Variants in GRIP1 observed in about 807,000 individuals in gnomAD.
GRIP1 encodes the protein glutamate receptor interacting protein 1.
A neutral mutation model predicts 129.9 loss-of-function variants in GRIP1; 45 were observed. That is an observed-to-expected ratio of 0.35 (90% CI 0.27 to 0.44). The LOEUF is 0.44. Ranked by LOEUF, GRIP1 falls within the 20% of genes least tolerant of loss-of-function variation. GRIP1 has a pLI of 1.00. For synonymous variants in GRIP1, 530 were observed against 520.8 expected (o/e 1.02, Z -0.24); for missense variants, 1,196 against 1,396.8 (o/e 0.86, Z 2.29).
At chr12:66,572,404 A>G (rs2062994518) in intron 2 of GRIP1, among the ~76,000 whole-genome samples, 1 of 152,140 alleles carries the variant, frequency 6.6e-6, no homozygotes, top group Non-Finnish European at 1.5e-5. Flanking sequence ...AGTAAAGGTA[A>G]AGTGTGTTTC....
intron 1 of GRIP1, among the ~76,000 whole-genome samples, chr12:66,910,152 CTT>C (rs1176160510): frequency 6.6e-6 from 1 of 152,150 alleles, no homozygotes; most frequent in Non-Finnish European, 1.5e-5. Context: ...GGAAGCAAGA[CTT>C]AGGCTCAGGA....
At chr12:66,979,298 G>T (rs1050672340) in intron 1 of GRIP1, among the ~76,000 whole-genome samples, 1 of 125,954 alleles carries the variant, frequency 7.9e-6, no homozygotes, top group African/African-American at 3.0e-5. Context: ...AGATAATTCT[G>T]AAATTACTTT....
At chr12:66,573,013 TCC>T (rs1484072053) in intron 2 of GRIP1, among the ~76,000 whole-genome samples, 1 of 152,136 alleles carries the variant, frequency 6.6e-6, no homozygotes. Context: ...TGGCAAAGCT[TCC>T]AGATGCATGT....
At chr12:67,014,987 GAAATA>G (rs1030059414) in intron 1 of GRIP1, among the ~76,000 whole-genome samples, 2 of 152,030 alleles carry the variant, frequency 1.3e-5, no homozygotes, top group African/African-American at 4.8e-5. Flanking sequence ...AATAAGTGAA[GAAATA>G]AATAAATGGA....
chr12:66,576,476 T>C (rs12581890), intron 2 of GRIP1, among the ~76,000 whole-genome samples: 44,688 of 152,106 alleles, frequency 0.29, 6,958 homozygotes, highest in African/African-American at 0.39. Context: ...GACTATTTCA[T>C]CAAGTTGGAA....
chr12:66,940,799 A>G (rs2041572065), intron 1 of GRIP1, among the ~76,000 whole-genome samples: 1 of 152,230 alleles, frequency 6.6e-6, no homozygotes, highest in Non-Finnish European at 1.5e-5. Flanking sequence ...AATTTCGCCC[A>G]CTAAATTCCA....
intron 1 of GRIP1, among the ~76,000 whole-genome samples, chr12:66,936,441 A>AG (rs1321829201): frequency 1.1e-4 from 16 of 152,028 alleles, no homozygotes; most frequent in Admixed American, 3.9e-4. Flanking sequence ...AAAAAAAAAA[A>AG]AAAAAAGGTG....
chr12:66,602,641 G>A (rs966721121), intron 1 of GRIP1, among the ~76,000 whole-genome samples: 1 of 152,068 alleles, frequency 6.6e-6, no homozygotes, highest in Non-Finnish European at 1.5e-5. Flanking sequence ...TGAGCTTGAT[G>A]GCAAGAAGCA....
At position 66,422,982 on chromosome 12, in the gene GRIP1, A is replaced by G. The variant is rs1309285042; in HGVS notation, c.1769-2193T>C. ...TCCTAGCCCCATGTTTTAATTTTCT[A>G]CTACCTAAGAATAAATCACAAACCA... On this transcript the variant is annotated intron_variant, in intron 14 of 24. Coordinates refer to ENST00000359742, the MANE Select transcript of GRIP1 (RefSeq NM_001366722.1). Among the ~76,000 whole-genome samples the G allele has an allele frequency of 3.9e-5, 6 of 152,172 alleles. No individual in the cohort carries two copies. The East Asian group carries it at 1.2e-3, about 29-fold the overall frequency.
At chr12:66,511,923 G>C (rs557594309) in intron 7 of GRIP1, among the ~76,000 whole-genome samples, 1 of 152,218 alleles carries the variant, frequency 6.6e-6, no homozygotes, top group East Asian at 1.9e-4. Flanking sequence ...CCCACATGTT[G>C]CTGGAGGGAC....
At chr12:66,502,647 CCTT>C (rs1203285981) in intron 7 of GRIP1, among the ~76,000 whole-genome samples, 1 of 152,102 alleles carries the variant, frequency 6.6e-6, no homozygotes, top group Non-Finnish European at 1.5e-5. Context: ...GGTACCCTCT[CCTT>C]CTCTCACTCT....
intron 1 of GRIP1, among the ~76,000 whole-genome samples, chr12:66,820,065 T>C (rs1427653281): frequency 6.6e-6 from 1 of 152,154 alleles, no homozygotes; most frequent in Admixed American, 6.5e-5. Flanking sequence ...CAGTGAATAC[T>C]GAAGAAATAT....
At chr12:66,829,560 GA>G (rs1274936219) in intron 1 of GRIP1, among the ~76,000 whole-genome samples, 1 of 152,040 alleles carries the variant, frequency 6.6e-6, no homozygotes, top group Admixed American at 6.6e-5. Flanking sequence ...TCAAAAACAG[GA>G]AAAGACACTG....
chr12:66,465,921 G>A (rs2138359399), intron 7 of GRIP1, among the ~76,000 whole-genome samples: 1 of 152,272 alleles, frequency 6.6e-6, no homozygotes, highest in African/African-American at 2.4e-5. Flanking sequence ...AGAAAAGAAG[G>A]ATGGATGGGT....
chr12:66,931,161 G>T (rs541159110), intron 1 of GRIP1, among the ~76,000 whole-genome samples: 2 of 152,338 alleles, frequency 1.3e-5, no homozygotes, highest in East Asian at 3.9e-4. Context: ...AAAAGGCTAA[G>T]AATTGAATCT....
In GRIP1 at chr12:66,374,867, A is replaced by G. The variant is rs914291945; in HGVS notation, c.2778+2150T>C. On this transcript the variant is annotated intron_variant, in intron 22 of 24. Transcript: ENST00000359742. ...TAAAATGAACTTTAGGTAGCATCTA[A>G]GAAGGAACATAAAAGGTAAAACAAA... is the stretch of plus-strand genomic sequence containing the variant. 3.9e-5 allele frequency among the ~76,000 whole-genome samples: 6 copies of G among 152,350 alleles called. 1 individual carries two copies. The highest frequency in any genetic ancestry group is 3.9e-4 in the Admixed American group (6 of 15,296).
chr12:66,825,744 A>G (rs1291842838), intron 1 of GRIP1, among the ~76,000 whole-genome samples: 1 of 152,204 alleles, frequency 6.6e-6, no homozygotes, highest in Non-Finnish European at 1.5e-5. Context: ...TTGAATGACT[A>G]ATAGCAAAGT....
chr12:66,856,643 C>T (rs1272451641), intron 1 of GRIP1, among the ~76,000 whole-genome samples: 3 of 151,650 alleles, frequency 2.0e-5, no homozygotes, highest in African/African-American at 7.3e-5. Context: ...CACTGGCCAT[C>T]AGAGAAATGC....
At chr12:66,436,660 T>C (rs1342349474) in intron 13 of GRIP1, among the ~76,000 whole-genome samples, 1 of 152,026 alleles carries the variant, frequency 6.6e-6, no homozygotes, top group African/African-American at 2.4e-5. Context: ...TACTATGCTG[T>C]TTGTGGAGTA....
Sources: allele counts gnomAD v4.1 joint callset (sites outside exome capture counted in the v4.1 genomes callset), GRCh38; gene constraint gnomAD v4.1.1; transcripts MANE v1.5; gene names NCBI Gene and HGNC (gene_info 2026-07-23, HGNC 2026-07-21).